Variants in SOCS5 observed in about 807,000 individuals in gnomAD.
SOCS5 encodes the protein CIS-6.
Under a neutral mutation model 42.8 loss-of-function variants are expected in SOCS5, and 32 were observed. That is an observed-to-expected ratio of 0.75 (90% confidence interval 0.56 to 1.01). SOCS5 has a LOEUF of 1.01. SOCS5 is among the 50% of genes least tolerant of loss of function. The probability of loss-of-function intolerance (pLI) is 0.00; values close to 1 mark genes in which losing one functional copy is unlikely to be tolerated. For synonymous variants in SOCS5, 283 were observed against 229.6 expected, an observed-to-expected ratio of 1.23 and a Z score of -2.10; for missense variants, 627 against 653.0, an observed-to-expected ratio of 0.96 and a Z score of 0.43.
rs559265632 is a variant in SOCS5 at position 46,718,887 on chromosome 2, A to G, written c.-13+19438A>G. Among the ~76,000 whole-genome samples the G allele has an allele frequency of 2.9e-3, 439 of 152,320 alleles. 2 individuals carry two copies. Among genetic ancestry groups the G allele is most frequent in the African/African-American group, 9.9e-3 (411 of 41,576 alleles). ...CAGCTTTCTAAATGGCAGTTTGGCAATATTCAGAATCCTTAAAATGTTCAT... is the reference window on the plus strand; with the variant it reads ...CAGCTTTCTAAATGGCAGTTTGGCAGTATTCAGAATCCTTAAAATGTTCAT... On this transcript the variant is annotated intron_variant, in intron 1 of 1. Transcript: ENST00000394861.
chr2:46,701,736 C>G lies in SOCS5; in HGVS notation c.-13+2287C>G, dbSNP rs553000366. ...AGCGTTAGTGCTGATAGTTCCCTGT[C>G]ATTGGAAAGAGACAAACTGTCATTT... On this transcript the variant is annotated intron_variant, in intron 1 of 1. Coordinates refer to ENST00000394861, the MANE Select transcript of SOCS5 (RefSeq NM_144949.3). 1.4e-4 allele frequency among the ~76,000 whole-genome samples: 21 copies of G among 147,994 alleles called. 1 individual carries two copies. The highest frequency in any genetic ancestry group is 2.7e-4 in the Admixed American group (4 of 14,704).
At chr2:46,737,840 A>G (rs968722946) in intron 1 of SOCS5, among the ~76,000 whole-genome samples, 1 of 151,474 alleles carries the variant, frequency 6.6e-6, no homozygotes, top group East Asian at 1.9e-4. Context: ...TGGCTCTGAT[A>G]CCTTTCTGTC....
chr2:46,743,888 A>G (rs1673433115), intron 1 of SOCS5, among the ~76,000 whole-genome samples: 1 of 152,220 alleles, frequency 6.6e-6, no homozygotes, highest in Non-Finnish European at 1.5e-5. Flanking sequence ...TTCTACATAA[A>G]GGAAGCATAT....
chr2:46,719,713 GGAAACCCATAGCA>G (rs1474475848), intron 1 of SOCS5, among the ~76,000 whole-genome samples: 27 of 152,232 alleles, frequency 1.8e-4, no homozygotes, highest in African/African-American at 6.3e-4. Flanking sequence ...AGAACATGTT[GGAAACCCATAGCA>G]GAAAATTAAT....
chr2:46,751,855 C>A (rs901417936), intron 1 of SOCS5, among the ~76,000 whole-genome samples: 2 of 152,026 alleles, frequency 1.3e-5, no homozygotes, highest in Admixed American at 6.6e-5. Context: ...TATAGCCCAC[C>A]ATGAACTAAG....
At chr2:46,723,396 A>C (rs572181978) in intron 1 of SOCS5, among the ~76,000 whole-genome samples, 1 of 152,016 alleles carries the variant, frequency 6.6e-6, no homozygotes, top group African/African-American at 2.4e-5. Flanking sequence ...CATGTTCTGA[A>C]AGTTTTATAG....
At chr2:46,719,605 A>G (rs1463261388) in intron 1 of SOCS5, among the ~76,000 whole-genome samples, 2 of 152,130 alleles carry the variant, frequency 1.3e-5, no homozygotes, top group Non-Finnish European at 2.9e-5. Context: ...GTAAAATATT[A>G]TGTTTGACGT....
chr2:46,748,709 TA>T (rs1673562122), intron 1 of SOCS5, among the ~76,000 whole-genome samples: 1 of 152,178 alleles, frequency 6.6e-6, no homozygotes, highest in African/African-American at 2.4e-5. Flanking sequence ...AGATAAAAAG[TA>T]AAAAAGTTGT....
chr2:46,731,254 G>A (rs779199456), intron 1 of SOCS5, among the ~76,000 whole-genome samples: 16 of 152,264 alleles, frequency 1.1e-4, no homozygotes, highest in East Asian at 1.9e-4. Context: ...AATGGGATTC[G>A]TGCCTTTGTA....
rs773861840 is a variant in SOCS5 at position 46,758,767 on chromosome 2, T to A, written c.237T>A (p.Asn79Lys). The change falls in exon 2 of 2, where the codon AAT becomes AAA. Residue 79 changes from asparagine to lysine, a missense_variant. By Grantham distance (94) the Asn-to-Lys change is moderately conservative. Around this residue, in one of 3 missense-constraint regions of SOCS5, gnomAD observed 278 missense variants for 246.3 expected, o/e 1.13. Transcript: ENST00000394861. ...CTTCGAAGAATTCTTCAAGGAGAAATCAAAATTGTGCCACAGAAATCCCTC... is the reference window on the plus strand; with the variant it reads ...CTTCGAAGAATTCTTCAAGGAGAAAACAAAATTGTGCCACAGAAATCCCTC... ...LSPSKNSSRR[N>K]QNCATEIPQI... The A allele has an allele frequency of 6.2e-7, 1 of 1,614,088 alleles. No homozygotes were observed. The highest frequency in any genetic ancestry group is 1.1e-5 in the South Asian group (1 of 91,080).
rs1381362053 is a variant in SOCS5, at chr2:46,761,825, AC to A, written c.*1685del. ...ATACTGTGGAACAGTATCTGTAGTT[AC>A]TGCAAATTACTGTACAGTTTAGGTT... On this transcript the variant is annotated 3_prime_UTR_variant, in exon 2 of 2. Transcript: ENST00000394861. The A allele has an allele frequency of 1.2e-5, 2 of 166,748 alleles. No individual in the cohort carries two copies. Among genetic ancestry groups the A allele is most frequent in the African/African-American group, 4.8e-5 (2 of 41,464 alleles). 10.3% of individuals were successfully genotyped at this position (166,748 alleles called of 1,614,324 possible). A position where few individuals can be genotyped will look rare whatever the true frequency, so the allele number is the denominator to read the frequency against.
chr2:46,759,748 G>T lies in SOCS5; in HGVS notation c.1218G>T (p.Arg406Ser). Reference protein sequence around the residue: ...EGKPEGTFLLRDSAQEDYLFS... With the variant: ...EGKPEGTFLLSDSAQEDYLFS... The stretch of plus-strand genomic sequence containing the variant: ...AACCTGAAGGCACGTTTTTGCTCAG[G>T]GACTCTGCGCAAGAGGACTACCTCT... The change falls in exon 2 of 2, where the codon AGG becomes AGT. Residue 406 changes from arginine to serine, a missense_variant. Physicochemically the swap from Arg to Ser is moderately radical, Grantham distance 110. Around this residue, in one of 3 missense-constraint regions of SOCS5, gnomAD observed 340 missense variants for 367.6 expected, o/e 0.92. Coordinates refer to ENST00000394861, the MANE Select transcript of SOCS5 (RefSeq NM_144949.3). The T allele has an allele frequency of 6.2e-7, 1 of 1,614,056 alleles. No individual in the cohort carries two copies. Among genetic ancestry groups the T allele is most frequent in the Non-Finnish European group, 8.5e-7 (1 of 1,179,990 alleles).
intron 1 of SOCS5, among the ~76,000 whole-genome samples, chr2:46,726,127 C>G (rs1213337232): frequency 6.6e-6 from 1 of 151,988 alleles, no homozygotes; most frequent in South Asian, 2.1e-4. Context: ...GACGGAGTCT[C>G]GCTCTGTCGC....
At chr2:46,742,399 G>T (rs943574615) in intron 1 of SOCS5, among the ~76,000 whole-genome samples, 1 of 141,668 alleles carries the variant, frequency 7.1e-6, no homozygotes, top group African/African-American at 2.7e-5. Context: ...ACTGTGTCTG[G>T]CATATCTTTT....
At chr2:46,718,478 T>G (rs958622625) in intron 1 of SOCS5, among the ~76,000 whole-genome samples, 25 of 152,170 alleles carry the variant, frequency 1.6e-4, no homozygotes, top group African/African-American at 6.0e-4. Context: ...GAAAAATAAC[T>G]CAATATCCCC....
At chr2:46,732,709 G>C (rs1673152772) in intron 1 of SOCS5, among the ~76,000 whole-genome samples, 3 of 152,334 alleles carry the variant, frequency 2.0e-5, no homozygotes, top group South Asian at 2.1e-4. Flanking sequence ...TGGGCTCTGA[G>C]AATCTGGAGG....
chr2:46,704,180 A>T (rs559609489), intron 1 of SOCS5, among the ~76,000 whole-genome samples: 480 of 152,332 alleles, frequency 3.2e-3, no homozygotes, highest in Non-Finnish European at 4.2e-3. Flanking sequence ...TAATTTTTTT[A>T]AAATTGTATT....
chr2:46,735,974 A>G (rs1673235526), intron 1 of SOCS5, among the ~76,000 whole-genome samples: 2 of 151,952 alleles, frequency 1.3e-5, no homozygotes, highest in African/African-American at 4.8e-5. Context: ...AAAATTTGCC[A>G]TTTTAACCAT....
chr2:46,725,492 A>T (rs1373433193), intron 1 of SOCS5, among the ~76,000 whole-genome samples: 1 of 151,896 alleles, frequency 6.6e-6, no homozygotes, highest in Non-Finnish European at 1.5e-5. Context: ...TTAGTACTCT[A>T]TTTTAACATA....
Sources: allele counts gnomAD v4.1 joint callset (sites outside exome capture counted in the v4.1 genomes callset), GRCh38; gene constraint gnomAD v4.1.1; regional missense constraint gnomAD v4.1.1; transcripts MANE v1.5; gene names NCBI Gene and HGNC (gene_info 2026-07-23, HGNC 2026-07-21).